Variants in NOX4 observed in about 807,000 individuals in gnomAD.
NOX4 encodes the protein kidney oxidase-1.
A neutral mutation model predicts 87.6 loss-of-function variants in NOX4; 69 were observed. The observed-to-expected ratio is 0.79, with a 90% CI of 0.65 to 0.96. The LOEUF (loss-of-function observed/expected upper bound fraction) is 0.96. Among genes scored for constraint, NOX4 ranks in the 40% least tolerant of loss-of-function variants. NOX4 has a pLI of 0.00. For missense variants in NOX4, 680 were observed against 681.5 expected, an observed-to-expected ratio of 1.00 and a Z score of 0.02; for synonymous variants, 275 against 238.2, an observed-to-expected ratio of 1.15 and a Z score of -1.42.
chr11:89,566,596 A>C, the NOX4 span, among the ~76,000 whole-genome samples: 1 of 152,148 alleles, frequency 6.6e-6, no homozygotes, highest in Non-Finnish European at 1.5e-5. Context: ...ATACACATGC[A>C]AAAAAGCGAG....
At chr11:89,531,772 TC>T in the NOX4 span, among the ~76,000 whole-genome samples, 1 of 152,142 alleles carries the variant, frequency 6.6e-6, no homozygotes, top group East Asian at 1.9e-4. Flanking sequence ...CAGCAGCCCC[TC>T]CCATCACAGG....
At chr11:89,393,067 A>T (rs1941234727) in intron 11 of NOX4, among the ~76,000 whole-genome samples, 1 of 152,154 alleles carries the variant, frequency 6.6e-6, no homozygotes, top group African/African-American at 2.4e-5. Flanking sequence ...GCTATGTTGG[A>T]CAACTATCGA....
At chr11:89,389,777 T>C (rs972982929) in intron 11 of NOX4, among the ~76,000 whole-genome samples, 14 of 152,140 alleles carry the variant, frequency 9.2e-5, no homozygotes, top group Non-Finnish European at 1.8e-4. Context: ...TGCAGAACAG[T>C]TAATAACATG....
chr11:89,395,370 T>C (rs1310506836), intron 11 of NOX4, among the ~76,000 whole-genome samples: 3 of 152,222 alleles, frequency 2.0e-5, no homozygotes, highest in Non-Finnish European at 4.4e-5. Context: ...TTCTTGTAAA[T>C]GTGTCTAAGT....
chr11:89,414,919 T>C (rs115910516), intron 8 of NOX4, among the ~76,000 whole-genome samples: 3,362 of 152,020 alleles, frequency 0.022, 130 homozygotes, highest in African/African-American at 0.077. Context: ...TTACAATACA[T>C]AAATATTTTT....
intron 7 of NOX4, 111 bp downstream of exon 7, chr11:89,432,673 C>A (rs1027519792): frequency 4.5e-5 from 33 of 735,374 alleles, no homozygotes; most frequent in Non-Finnish European, 7.8e-5. Flanking sequence ...CTTACTTACC[C>A]AGAATAGTCC....
chr11:89,549,557 G>C, the NOX4 span, among the ~76,000 whole-genome samples: 1 of 152,100 alleles, frequency 6.6e-6, no homozygotes, highest in Non-Finnish European at 1.5e-5. Context: ...TTGTTACATA[G>C]GTATACATGT....
rs181214675 is a variant in NOX4 at position 89,386,241 on chromosome 11, C to T, written c.1075-12749G>A. On this transcript the variant is annotated intron_variant, in intron 11 of 17. Coordinates refer to ENST00000263317, the MANE Select transcript of NOX4 (RefSeq NM_016931.5). ...TTCTAGACACCAGCCCAACTTGAAC[C>T]ACACCCCAAAAATTTGTCATCCCTA... is the stretch of plus-strand genomic sequence containing the variant. 6.3e-3 allele frequency among the ~76,000 whole-genome samples: 952 copies of T among 152,158 alleles called. 6 individuals are homozygous for T. The highest frequency in any genetic ancestry group is 0.02 in the African/African-American group (844 of 41,524).
rs562136173 is a variant in NOX4 at position 89,381,472 on chromosome 11, T to A, written c.1075-7980A>T. The stretch of plus-strand genomic sequence containing the variant: ...CCCACTGAGCACTTTGTGACCCCCA[T>A]CCCTGCCTGCCAGAGAACAACCCCC... On this transcript the variant is annotated intron_variant, in intron 11 of 17. Transcript: ENST00000263317. Among the ~76,000 whole-genome samples the A allele has an allele frequency of 4.7e-4, 72 of 151,744 alleles. 1 individual carries two copies. Among genetic ancestry groups the A allele is most frequent in the African/African-American group, 1.2e-3 (49 of 41,414 alleles).
At chr11:89,536,475 A>G in the NOX4 span, among the ~76,000 whole-genome samples, 1 of 151,984 alleles carries the variant, frequency 6.6e-6, no homozygotes, top group African/African-American at 2.4e-5. Flanking sequence ...CTGCAGTTCC[A>G]TATGATCCTT....
At chr11:89,381,523 C>T (rs1218063603) in intron 11 of NOX4, among the ~76,000 whole-genome samples, 2 of 152,110 alleles carry the variant, frequency 1.3e-5, no homozygotes, top group Non-Finnish European at 2.9e-5. Flanking sequence ...CCATTACCTA[C>T]ACAAATCCTA....
the NOX4 span, among the ~76,000 whole-genome samples, chr11:89,552,696 G>A: frequency 0.36 from 54,603 of 151,876 alleles, 9,940 homozygotes; most frequent in Middle Eastern, 0.41. Flanking sequence ...TTCAGTCTTT[G>A]GATCAAAGTC....
At chr11:89,501,335 T>A (rs185233789), upstream of NOX4, among the ~76,000 whole-genome samples, 91 of 152,016 alleles carry the variant, frequency 6.0e-4, no homozygotes, top group African/African-American at 2.1e-3. Flanking sequence ...TGAACGAGCA[T>A]GATATTAGAT....
the NOX4 span, among the ~76,000 whole-genome samples, chr11:89,549,239 C>A: frequency 2.0e-5 from 3 of 152,074 alleles, no homozygotes; most frequent in East Asian, 1.9e-4. Flanking sequence ...CTAATAGTTG[C>A]AGACTAAATT....
the NOX4 span, among the ~76,000 whole-genome samples, chr11:89,553,350 T>G: frequency 6.6e-6 from 1 of 152,124 alleles, no homozygotes; most frequent in Non-Finnish European, 1.5e-5. Context: ...TTCTGGCAGT[T>G]TCCCCTGCCT....
chr11:89,435,404 G>C (rs1387361577), intron 6 of NOX4, among the ~76,000 whole-genome samples: 1 of 151,940 alleles, frequency 6.6e-6, no homozygotes, highest in African/African-American at 2.4e-5. Flanking sequence ...AGAACACCTG[G>C]AAAAATGGAG....
chr11:89,441,596 G>C (rs1261197418), intron 5 of NOX4, among the ~76,000 whole-genome samples: 5 of 152,068 alleles, frequency 3.3e-5, no homozygotes, highest in Admixed American at 3.3e-4. Flanking sequence ...CCAACTATTA[G>C]AAACATGGCT....
At chr11:89,396,994 C>T (rs1941538107) in intron 11 of NOX4, among the ~76,000 whole-genome samples, 1 of 152,056 alleles carries the variant, frequency 6.6e-6, no homozygotes, top group Non-Finnish European at 1.5e-5. Context: ...GAACTCTCCA[C>T]CCCAATTCAA....
At position 89,335,901 on chromosome 11, in the gene NOX4, A is replaced by C. The variant is rs774375384; in HGVS notation, c.1560T>G (p.Phe520Leu). 5 of 1,601,820 alleles carry C rather than the reference A, an allele frequency of 3.1e-6. No homozygotes were observed. The highest frequency in any genetic ancestry group is 4.3e-6 in the Non-Finnish European group (5 of 1,174,020). The stretch of plus-strand genomic sequence containing the variant: ...AAAGTTTCCACCGAGGACGTCCTAT[A>C]AACAGTCTTGAATTCAGTGCATGAT... ...EKYHALNSRLFIGRPRWKLLF... is the reference protein window; with the variant it reads ...EKYHALNSRLLIGRPRWKLLF... Residue 520 changes from phenylalanine to leucine, a missense_variant, in exon 17 of 18, where the codon TTT becomes TTG. Physicochemically the swap from Phe to Leu is conservative, Grantham distance 22 (BLOSUM62 0). Transcript: ENST00000263317.
Sources: allele counts gnomAD v4.1 joint callset (sites outside exome capture counted in the v4.1 genomes callset), GRCh38; gene constraint gnomAD v4.1.1; transcripts MANE v1.5; gene names NCBI Gene and HGNC (gene_info 2026-07-23, HGNC 2026-07-21).